The following UBXN7 variants were observed in gnomAD, a reference collection of about 807,000 sequenced individuals.
The protein encoded by UBXN7 is UBX domain-containing protein 7.
In UBXN7, 9 loss-of-function variants were observed where a neutral mutation model predicts 58.0. The observed-to-expected ratio is 0.16, with a 90% CI of 0.09 to 0.27. The LOEUF (loss-of-function observed/expected upper bound fraction) is 0.27. Ranked by LOEUF, UBXN7 falls within the 10% of genes least tolerant of loss-of-function variation. The pLI is 1.00. For synonymous variants in UBXN7, 208 were observed against 205.0 expected (o/e 1.01, Z -0.12); for missense variants, 328 against 599.6 (o/e 0.55, Z 4.73).
chr3:196,393,482 T>TAA, intron 4 of UBXN7, 72 bp downstream of exon 4: 1 of 1,441,782 alleles, frequency 6.9e-7, no homozygotes, highest in East Asian at 2.3e-5. Context: ...TAATTGGGCC[T>TAA]AATAGTAATC....
chr3:196,391,204 A>G (rs1228064852), intron 5 of UBXN7, among the ~76,000 whole-genome samples: 1 of 152,210 alleles, frequency 6.6e-6, no homozygotes, highest in Admixed American at 6.5e-5. Context: ...AGATATATGA[A>G]CAAGTGAGAT....
intron 1 of UBXN7, among the ~76,000 whole-genome samples, chr3:196,427,808 C>G (rs993422754): frequency 6.6e-6 from 1 of 152,136 alleles, no homozygotes. Flanking sequence ...GACTGGTTTT[C>G]TTATGTAGCT....
rs1391798789 is a variant in UBXN7 at position 196,349,852 on chromosome 3, A to C, written c.*6833T>G. 2 of 152,306 alleles carry C rather than the reference A, an allele frequency of 1.3e-5. No homozygotes were observed. The highest frequency in any genetic ancestry group is 1.9e-4 in the East Asian group (1 of 5,188). 9.4% of individuals were successfully genotyped at this position (152,306 alleles called of 1,614,324 possible). A position where few individuals can be genotyped will look rare whatever the true frequency, so the allele number is the denominator to read the frequency against. ...TCATGCTAACCCAGTTAGATTAATA[A>C]CTTCTTTTGATGAGAAAAAATATTA... On this transcript the variant is annotated 3_prime_UTR_variant, in exon 11 of 11. Transcript: ENST00000296328.
At position 196,404,862 on chromosome 3, in the gene UBXN7, G is replaced by A. The variant is rs184146458; in HGVS notation, c.222-1843C>T. On this transcript the variant is annotated intron_variant, in intron 2 of 10. Coordinates refer to ENST00000296328, the MANE Select transcript of UBXN7 (RefSeq NM_015562.2). Reference sequence around the variant, plus strand: ...GCTCTGTCAATCCTTTCATCAAAAGGAAATAGGCCAGCCAGGCATGGTGGC... The same window carrying A: ...GCTCTGTCAATCCTTTCATCAAAAGAAAATAGGCCAGCCAGGCATGGTGGC... Among the ~76,000 whole-genome samples, 334 of 152,206 alleles carry A rather than the reference G, an allele frequency of 2.2e-3. 1 individual carries two copies. The highest frequency in any genetic ancestry group is 3.5e-3 in the Non-Finnish European group (239 of 68,008).
chr3:196,410,300 C>T (rs150860777), intron 1 of UBXN7, among the ~76,000 whole-genome samples: 275 of 152,198 alleles, frequency 1.8e-3, no homozygotes, highest in African/African-American at 6.3e-3. Flanking sequence ...AGCAGGGTTA[C>T]TCATGTTATC....
intron 8 of UBXN7, among the ~76,000 whole-genome samples, 189 bp from the exon 9 acceptor site, chr3:196,362,876 T>C (rs974362063): frequency 1.3e-5 from 2 of 152,082 alleles, no homozygotes; most frequent in Non-Finnish European, 2.9e-5. Flanking sequence ...TGTGTGTGTA[T>C]ATACACACAC....
intron 10 of UBXN7, among the ~76,000 whole-genome samples, chr3:196,360,216 G>T (rs1728468715): frequency 6.6e-6 from 1 of 152,242 alleles, no homozygotes; most frequent in Non-Finnish European, 1.5e-5. Flanking sequence ...TTATCTAGAA[G>T]ATGTAGTGAA....
chr3:196,385,251 G>A (rs1382442235), intron 5 of UBXN7, among the ~76,000 whole-genome samples: 1 of 152,348 alleles, frequency 6.6e-6, no homozygotes, highest in East Asian at 1.9e-4. Context: ...TGATCTGCCA[G>A]CCTCGGCCTC....
chr3:196,417,859 G>A (rs1460964814), intron 1 of UBXN7, among the ~76,000 whole-genome samples: 1 of 149,834 alleles, frequency 6.7e-6, no homozygotes, highest in Non-Finnish European at 1.5e-5. Flanking sequence ...CAGGAGTTTT[G>A]AGGCTGCTGT....
intron 5 of UBXN7, among the ~76,000 whole-genome samples, chr3:196,373,539 T>C (rs1457736087): frequency 6.6e-6 from 1 of 152,146 alleles, no homozygotes; most frequent in South Asian, 2.1e-4. Flanking sequence ...CAGTGTGACA[T>C]GGGAAAATCT....
intron 6 of UBXN7, 93 bp downstream of exon 6, chr3:196,371,803 G>T: frequency 6.8e-7 from 1 of 1,479,212 alleles, no homozygotes; most frequent in Non-Finnish European, 9.1e-7. Flanking sequence ...TTTTTTAAAT[G>T]TCTTAATTCA....
chr3:196,367,785 C>A (rs892139852), intron 8 of UBXN7, among the ~76,000 whole-genome samples: 1 of 152,202 alleles, frequency 6.6e-6, no homozygotes, highest in East Asian at 1.9e-4. Flanking sequence ...CCTGGGGCAT[C>A]TGCCTGCACT....
intron 1 of UBXN7, among the ~76,000 whole-genome samples, chr3:196,410,782 A>G (rs1000574520): frequency 6.6e-6 from 1 of 151,500 alleles, no homozygotes; most frequent in African/African-American, 2.4e-5. Flanking sequence ...AGATTACACC[A>G]CTGCACTCCA....
chr3:196,361,567 A>G (rs1299136860), intron 10 of UBXN7, among the ~76,000 whole-genome samples: 1 of 152,200 alleles, frequency 6.6e-6, no homozygotes, highest in Admixed American at 6.5e-5. Flanking sequence ...AGAAACTGCC[A>G]CAGTACCCAT....
intron 1 of UBXN7, 97 bp downstream of exon 1, chr3:196,432,230 C>T (rs1338874251): frequency 6.6e-7 from 1 of 1,520,642 alleles, no homozygotes; most frequent in Admixed American, 1.9e-5. Flanking sequence ...TGGGTAAAGC[C>T]CGAAGGAGGA....
chr3:196,392,034 A>G, intron 4 of UBXN7, 109 bp from the exon 5 acceptor site: 1 of 635,862 alleles, frequency 1.6e-6, no homozygotes. Flanking sequence ...TGCTGTCAAT[A>G]TGCTTGACCT....
intron 3 of UBXN7, among the ~76,000 whole-genome samples, chr3:196,395,138 T>G (rs1279123212): frequency 1.3e-5 from 2 of 152,182 alleles, no homozygotes; most frequent in African/African-American, 4.8e-5. Context: ...GTAACCAGAA[T>G]AATTATCTGT....
chr3:196,415,335 G>T (rs1015822198), intron 1 of UBXN7, among the ~76,000 whole-genome samples: 2 of 150,616 alleles, frequency 1.3e-5, no homozygotes, highest in Non-Finnish European at 1.5e-5. Context: ...TGTATTTTTA[G>T]TAGAGACGGG....
At chr3:196,375,047 A>G (rs1349487206) in intron 5 of UBXN7, among the ~76,000 whole-genome samples, 2 of 108,014 alleles carry the variant, frequency 1.9e-5, no homozygotes, top group African/African-American at 7.8e-5. Context: ...AGGAAGGGAA[A>G]GGAAAGGAAA....
Sources: allele counts gnomAD v4.1 joint callset (sites outside exome capture counted in the v4.1 genomes callset), GRCh38; gene constraint gnomAD v4.1.1; transcripts MANE v1.5; gene names NCBI Gene and HGNC (gene_info 2026-07-23, HGNC 2026-07-21).